The following DNM3 variants were observed in gnomAD, a reference collection of about 807,000 sequenced individuals.
The protein encoded by DNM3 is dynamin 3.
A neutral mutation model predicts 101.6 loss-of-function variants in DNM3; 47 were observed. That is an observed-to-expected ratio of 0.46 (90% CI 0.37 to 0.59). The LOEUF (loss-of-function observed/expected upper bound fraction) is 0.59, where lower values mean the gene tolerates loss of function less well. Ranked by LOEUF, DNM3 falls within the 20% of genes least tolerant of loss-of-function variation. DNM3 has a pLI of 0.00. For missense variants in DNM3, 849 were observed against 1,085.7 expected, an observed-to-expected ratio of 0.78 and a Z score of 3.06; for synonymous variants, 385 against 387.9, an observed-to-expected ratio of 0.99 and a Z score of 0.09.
chr1:172,203,878 A>G (rs1462161496), intron 14 of DNM3, among the ~76,000 whole-genome samples: 1 of 152,210 alleles, frequency 6.6e-6, no homozygotes. Context: ...TAAGGTTTGC[A>G]AGGCTACTTA....
At chr1:172,035,575 G>A (rs2048897147) in intron 6 of DNM3, among the ~76,000 whole-genome samples, 1 of 152,140 alleles carries the variant, frequency 6.6e-6, no homozygotes, top group South Asian at 2.1e-4. Flanking sequence ...GGAAGCCAGG[G>A]GAAGAAGTGT....
chr1:171,880,887 G>A (rs2036210460), intron 1 of DNM3, among the ~76,000 whole-genome samples: 1 of 151,792 alleles, frequency 6.6e-6, no homozygotes, highest in African/African-American at 2.4e-5. Flanking sequence ...AAATACATAG[G>A]CAGAATAAAT....
intron 20 of DNM3, among the ~76,000 whole-genome samples, chr1:172,400,137 C>T (rs1477148482): frequency 2.0e-5 from 3 of 151,960 alleles, no homozygotes; most frequent in African/African-American, 7.3e-5. Context: ...TCTTCTTTTT[C>T]CTTCTTCCTC....
chr1:171,900,451 G>T (rs1405122661), intron 1 of DNM3, among the ~76,000 whole-genome samples: 1 of 152,122 alleles, frequency 6.6e-6, no homozygotes, highest in Non-Finnish European at 1.5e-5. Context: ...GGAGTTGGAG[G>T]AAAAGCACAG....
chr1:172,038,212 G>T, intron 6 of DNM3, 107 bp from the exon 7 acceptor site: 2 of 1,415,814 alleles, frequency 1.4e-6, no homozygotes, highest in Non-Finnish European at 1.9e-6. Flanking sequence ...TTGAAATTTT[G>T]AATTATTAGA....
intron 2 of DNM3, among the ~76,000 whole-genome samples, chr1:171,947,946 G>T (rs1008442865): frequency 6.6e-6 from 1 of 152,160 alleles, no homozygotes; most frequent in African/African-American, 2.4e-5. Context: ...AAGTGAGGGG[G>T]CTTTGCTTTT....
intron 14 of DNM3, among the ~76,000 whole-genome samples, chr1:172,205,799 T>G (rs945759173): frequency 2.0e-5 from 3 of 152,126 alleles, no homozygotes; most frequent in Admixed American, 6.6e-5. Context: ...TTTGTAGATA[T>G]TCTTCTTTAA....
chr1:172,348,891 T>C (rs7534393), intron 17 of DNM3, among the ~76,000 whole-genome samples: 80,925 of 152,010 alleles, frequency 0.53, 24,753 homozygotes, highest in African/African-American at 0.85. Context: ...ATTTCAAAAG[T>C]TAGTAAATGG....
intron 14 of DNM3, among the ~76,000 whole-genome samples, chr1:172,218,285 A>T (rs1019404012): frequency 2.0e-5 from 3 of 152,160 alleles, no homozygotes; most frequent in Non-Finnish European, 2.9e-5. Flanking sequence ...TTAAATAGTG[A>T]GATTAATAGA....
At position 172,144,834 on chromosome 1, in the gene DNM3, A is replaced by AG. The variant is rs553224330; in HGVS notation, c.1659+13551dup. The stretch of plus-strand genomic sequence containing the variant: ...TGGCAATGAATTTAGGACCAGGAAA[A>AG]GGGGGAGGGCTGGGCTGGAGAGTCC... On this transcript the variant is annotated intron_variant, in intron 14 of 20. Transcript: ENST00000627582. 4.3e-5 allele frequency: 14 copies of AG among 324,424 alleles called. No individual in the cohort carries two copies. The East Asian group carries it at 7.7e-4, about 18-fold the overall frequency. The allele number at this position is 324,424 out of a possible 1,614,324, so 20.1% of individuals were successfully genotyped here. A position where few individuals can be genotyped will look rare whatever the true frequency, so the allele number is the denominator to read the frequency against.
At chr1:171,925,298 G>T (rs1335339292) in intron 2 of DNM3, among the ~76,000 whole-genome samples, 2 of 151,546 alleles carry the variant, frequency 1.3e-5, no homozygotes, top group Non-Finnish European at 2.9e-5. Flanking sequence ...TGCGATCTCA[G>T]CTCACTGCAA....
At chr1:172,360,363 G>A (rs2067677620) in intron 17 of DNM3, among the ~76,000 whole-genome samples, 2 of 152,006 alleles carry the variant, frequency 1.3e-5, no homozygotes, top group Non-Finnish European at 2.9e-5. Flanking sequence ...ATCATCTGAT[G>A]CATTTTGACT....
intron 11 of DNM3, among the ~76,000 whole-genome samples, chr1:172,081,271 T>A (rs568000968): frequency 6.6e-6 from 1 of 152,142 alleles, no homozygotes; most frequent in East Asian, 1.9e-4. Context: ...TTCTGATTGA[T>A]GTTTGGATTC....
chr1:172,030,982 A>G (rs569993134), intron 4 of DNM3, among the ~76,000 whole-genome samples: 2 of 152,362 alleles, frequency 1.3e-5, no homozygotes, highest in South Asian at 2.1e-4. Context: ...ACCATTGCGG[A>G]AGACAGTATG....
intron 11 of DNM3, among the ~76,000 whole-genome samples, chr1:172,081,113 T>C (rs1023597744): frequency 6.6e-6 from 1 of 151,726 alleles, no homozygotes; most frequent in African/African-American, 2.4e-5. Flanking sequence ...AGAGATGGGG[T>C]CTTGCTATGT....
At chr1:172,190,686 T>A (rs1452149950) in intron 14 of DNM3, among the ~76,000 whole-genome samples, 1 of 152,216 alleles carries the variant, frequency 6.6e-6, no homozygotes, top group Non-Finnish European at 1.5e-5. Flanking sequence ...TGTTGTTTCC[T>A]GACTTTTTAA....
intron 16 of DNM3, among the ~76,000 whole-genome samples, chr1:172,313,410 T>C (rs1016981717): frequency 6.6e-6 from 1 of 152,268 alleles, no homozygotes; most frequent in African/African-American, 2.4e-5. Context: ...GAATTTGATT[T>C]AATATCTAAA....
chr1:172,399,759 T>C (rs1448704565), intron 20 of DNM3: 4 of 152,138 alleles, frequency 2.6e-5, no homozygotes, highest in Non-Finnish European at 1.5e-5. Flanking sequence ...TTTCTTCATA[T>C]TTACCACCTG....
At chr1:171,918,333 G>A (rs994133009) in intron 1 of DNM3, among the ~76,000 whole-genome samples, 13 of 152,182 alleles carry the variant, frequency 8.5e-5, no homozygotes, top group African/African-American at 2.9e-4. Context: ...AAAGAAATAG[G>A]TTCGGAGAGA....
Sources: allele counts gnomAD v4.1 joint callset (sites outside exome capture counted in the v4.1 genomes callset), GRCh38; gene constraint gnomAD v4.1.1; transcripts MANE v1.5; gene names NCBI Gene and HGNC (gene_info 2026-07-23, HGNC 2026-07-21).